Variants in MECOM observed in about 807,000 individuals in gnomAD.
The protein encoded by MECOM is MDS1 and EVI1 complex locus, also known as histone-lysine N-methyltransferase MECOM.
A neutral mutation model predicts 116.3 loss-of-function variants in MECOM; 13 were observed. That is an observed-to-expected ratio of 0.11 (90% CI 0.07 to 0.18). The LOEUF is 0.18. MECOM is among the 10% of genes least tolerant of loss of function. MECOM has a pLI of 1.00. For missense variants in MECOM, 1,299 were observed against 1,509.0 expected (o/e 0.86, Z 2.31); for synonymous variants, 528 against 535.2 (o/e 0.99, Z 0.19).
intron 2 of MECOM, among the ~76,000 whole-genome samples, chr3:169,168,686 T>C (rs1240682891): frequency 6.6e-6 from 1 of 152,000 alleles, no homozygotes; most frequent in African/African-American, 2.4e-5. Context: ...TTGAACCTTA[T>C]AGTCAGAGGG....
At chr3:169,573,329 T>G (rs1271154210) in intron 1 of MECOM, among the ~76,000 whole-genome samples, 4 of 152,214 alleles carry the variant, frequency 2.6e-5, no homozygotes, top group South Asian at 4.1e-4. Context: ...ATTTTGTAAA[T>G]GTACACAAAG....
chr3:169,200,193 C>G (rs1368305484), intron 2 of MECOM, among the ~76,000 whole-genome samples: 1 of 152,038 alleles, frequency 6.6e-6, no homozygotes, highest in African/African-American at 2.4e-5. Context: ...CTAACCAATT[C>G]AAAGCTATTC....
chr3:169,369,302 G>A (rs886438359), intron 2 of MECOM, among the ~76,000 whole-genome samples: 1 of 148,240 alleles, frequency 6.7e-6, no homozygotes, highest in Non-Finnish European at 1.5e-5. Flanking sequence ...ACAGTCCATG[G>A]TGCTTCTGGA....
intron 1 of MECOM, among the ~76,000 whole-genome samples, chr3:169,583,031 G>A (rs367830025): frequency 1.3e-4 from 20 of 152,324 alleles, no homozygotes; most frequent in African/African-American, 4.1e-4. Flanking sequence ...ATGGCACAGA[G>A]GAAATTGTAC....
chr3:169,089,608 A>G (rs756378477), intron 15 of MECOM, among the ~76,000 whole-genome samples: 4 of 152,154 alleles, frequency 2.6e-5, no homozygotes, highest in Non-Finnish European at 5.9e-5. Flanking sequence ...GATCACATAT[A>G]TATCTACTGA....
At chr3:169,228,179 C>T (rs1037315323) in intron 2 of MECOM, among the ~76,000 whole-genome samples, 11 of 152,056 alleles carry the variant, frequency 7.2e-5, no homozygotes, top group Admixed American at 3.3e-4. Flanking sequence ...TAGTCTGTGC[C>T]GCAAATCTAC....
At chr3:169,416,549 G>A (rs1738624650) in intron 1 of MECOM, among the ~76,000 whole-genome samples, 1 of 149,412 alleles carries the variant, frequency 6.7e-6, no homozygotes, top group Non-Finnish European at 1.5e-5. Flanking sequence ...AGGAAATAGA[G>A]ACACAAAAAA....
intron 1 of MECOM, among the ~76,000 whole-genome samples, chr3:169,592,678 T>G (rs1000652707): frequency 2.0e-5 from 3 of 152,182 alleles, no homozygotes; most frequent in Non-Finnish European, 4.4e-5. Context: ...CTCTAGTTGT[T>G]TTTTATATGA....
intron 1 of MECOM, among the ~76,000 whole-genome samples, chr3:169,597,552 A>C (rs1326719514): frequency 6.6e-6 from 1 of 152,228 alleles, no homozygotes; most frequent in Non-Finnish European, 1.5e-5. Context: ...AGAGCAGATG[A>C]GCAGATGTCT....
intron 1 of MECOM, among the ~76,000 whole-genome samples, chr3:169,495,301 T>C (rs1364074651): frequency 6.6e-6 from 1 of 152,136 alleles, no homozygotes; most frequent in Non-Finnish European, 1.5e-5. Flanking sequence ...TATAATTGTA[T>C]GTGGGGGAGG....
chr3:169,363,033 C>A (rs1300312268), intron 2 of MECOM, among the ~76,000 whole-genome samples: 1 of 151,868 alleles, frequency 6.6e-6, no homozygotes, highest in South Asian at 2.1e-4. Flanking sequence ...TTAAAATTTC[C>A]CCATTTCTTC....
chr3:169,595,622 G>T, intron 1 of MECOM, among the ~76,000 whole-genome samples: 1 of 152,038 alleles, frequency 6.6e-6, no homozygotes, highest in Non-Finnish European at 1.5e-5. Context: ...CACAACTAAA[G>T]TATTTAAACA....
intron 1 of MECOM, among the ~76,000 whole-genome samples, chr3:169,529,565 C>T (rs1336985572): frequency 6.6e-6 from 1 of 152,200 alleles, no homozygotes; most frequent in African/African-American, 2.4e-5. Context: ...CACTCCCCAG[C>T]ATTTCAAAAT....
intron 2 of MECOM, among the ~76,000 whole-genome samples, chr3:169,282,973 G>A (rs151229433): frequency 6.6e-6 from 1 of 151,884 alleles, no homozygotes; most frequent in East Asian, 1.9e-4. Flanking sequence ...ATTTCTATGA[G>A]AAACTTTTTT....
At chr3:169,626,224 C>T (rs1279373656) in intron 1 of MECOM, among the ~76,000 whole-genome samples, 1 of 152,144 alleles carries the variant, frequency 6.6e-6, no homozygotes, top group Non-Finnish European at 1.5e-5. Context: ...TTATCCTCAC[C>T]CTCCTAAACC....
chr3:169,321,920 A>T (rs1443235723), intron 2 of MECOM, among the ~76,000 whole-genome samples: 1 of 152,216 alleles, frequency 6.6e-6, no homozygotes, highest in Non-Finnish European at 1.5e-5. Flanking sequence ...CTTTCTGAAG[A>T]ACACAGGGAG....
intron 1 of MECOM, among the ~76,000 whole-genome samples, chr3:169,394,280 T>A (rs1281013265): frequency 6.6e-6 from 1 of 152,158 alleles, no homozygotes; most frequent in Non-Finnish European, 1.5e-5. Context: ...AAAGTGAAAT[T>A]GCTGATTTCA....
rs114464408 is a variant in MECOM, at chr3:169,204,519, G to A, written c.376-60687C>T. 5.1e-3 allele frequency among the ~76,000 whole-genome samples: 779 copies of A among 152,276 alleles called. 5 individuals carry two copies. Among genetic ancestry groups the A allele is most frequent in the Middle Eastern group, 0.027 (8 of 294 alleles). On this transcript the variant is annotated intron_variant, in intron 2 of 16. Coordinates refer to ENST00000651503, the MANE Select transcript of MECOM (RefSeq NM_004991.4). ...TTATTTATATGCCCCTGCCTACTCTGCAAGCAAATTTACAAGGGAACTGTG... is the reference window on the plus strand; with the variant it reads ...TTATTTATATGCCCCTGCCTACTCTACAAGCAAATTTACAAGGGAACTGTG...
intron 16 of MECOM, among the ~76,000 whole-genome samples, chr3:169,086,155 A>G (rs892928522): frequency 9.9e-5 from 15 of 152,176 alleles, no homozygotes; most frequent in African/African-American, 3.4e-4. Flanking sequence ...TCATCGCTCT[A>G]AATGTACACA....
Sources: gnomAD v4.1 joint callset for allele counts (sites outside exome capture counted in the v4.1 genomes callset) on GRCh38, gnomAD v4.1.1 for gene constraint, MANE v1.5 for transcripts, NCBI Gene and HGNC (gene_info 2026-07-23, HGNC 2026-07-21) for gene names.